ABCB9: variants seen among roughly 807,000 people sequenced by gnomAD.
The protein encoded by ABCB9 is ATP binding cassette subfamily B member 9.
In ABCB9, 36 loss-of-function variants were observed where a neutral mutation model predicts 62.0. That is an observed-to-expected ratio of 0.58 (90% CI 0.45 to 0.77). The LOEUF (loss-of-function observed/expected upper bound fraction) is 0.77. Ranked by LOEUF, ABCB9 falls within the 30% of genes least tolerant of loss-of-function variation. The pLI is 0.00. For synonymous variants in ABCB9, 435 were observed against 461.4 expected (o/e 0.94, Z 0.73); for missense variants, 943 against 1,054.7 (o/e 0.89, Z 1.47).
At chr12:122,962,993 T>C (rs946211272) in intron 1 of ABCB9, among the ~76,000 whole-genome samples, 1 of 152,090 alleles carries the variant, frequency 6.6e-6, no homozygotes, top group African/African-American at 2.4e-5. Flanking sequence ...TAACATTCAA[T>C]ATAGAAAATG....
chr12:122,934,740 G>A (rs1465135291), intron 10 of ABCB9, among the ~76,000 whole-genome samples: 1 of 150,814 alleles, frequency 6.6e-6, no homozygotes, highest in East Asian at 1.9e-4. Context: ...CCACCAAAAC[G>A]TCTTTCATTA....
chr12:122,960,178 C>G lies in ABCB9; in HGVS notation c.58G>C (p.Val20Leu), dbSNP rs376611215. 6.2e-7 allele frequency: 1 copy of G among 1,613,472 alleles called. No individual in the cohort carries two copies. Among genetic ancestry groups the G allele is most frequent in the East Asian group, 2.2e-5 (1 of 44,892 alleles). ...CTGAAGACATAGATGGCCGTGGTCA[C>G]GCAGATGTCCACACTCATGAAGGCC... is the stretch of plus-strand genomic sequence containing the variant. ...TLAFMSVDIC[V>L]TTAIYVFSHL... Residue 20 changes from valine (V) to leucine (L), a missense_variant, in exon 2 of 12, where the codon GTG (valine) becomes CTG (leucine). Val to Leu is a conservative substitution (Grantham distance 32, BLOSUM62 1). Coordinates refer to ENST00000280560, the MANE Select transcript of ABCB9 (RefSeq NM_019625.4).
chr12:122,936,696 A>C (rs1181581400), intron 9 of ABCB9, among the ~76,000 whole-genome samples: 2 of 151,822 alleles, frequency 1.3e-5, no homozygotes, highest in Admixed American at 1.3e-4. Flanking sequence ...CCTGAGGTCA[A>C]GAGTTTGAGA....
At chr12:122,934,874 T>G (rs1466628288) in intron 10 of ABCB9, among the ~76,000 whole-genome samples, 3 of 151,446 alleles carry the variant, frequency 2.0e-5, no homozygotes, top group Non-Finnish European at 2.9e-5. Flanking sequence ...CTCTTCTCAC[T>G]CAGCATCCTA....
Position 122,966,460 on chromosome 12 carries a change from G to C in ABCB9, c.-261C>G, listed in dbSNP as rs1226911992. 6.6e-6 allele frequency: 1 copy of C among 152,368 alleles called. No individual in the cohort carries two copies. The highest frequency in any genetic ancestry group is 1.5e-5 in the Non-Finnish European group (1 of 68,142). The allele number at this position is 152,368 out of a possible 1,614,324, so 9.4% of individuals were successfully genotyped here. A position where few individuals can be genotyped will look rare whatever the true frequency, so the allele number is the denominator to read the frequency against. ...TGCGCCGCTGCAAGGTCGGAGCTGA[G>C]ACTGGCGTGCGTTGAGACAGGCTGA... On this transcript the variant is annotated 5_prime_UTR_variant, in exon 1 of 12. Transcript: ENST00000280560.
At chr12:122,945,672 G>A (rs1215408039) in intron 6 of ABCB9, among the ~76,000 whole-genome samples, 1 of 152,146 alleles carries the variant, frequency 6.6e-6, no homozygotes, top group African/African-American at 2.4e-5. Context: ...GAGCTCAGGA[G>A]TTCGAGACCA....
In ABCB9 at chr12:122,966,416, C is replaced by A. The variant is rs2037178366; in HGVS notation, c.-217G>T. The stretch of plus-strand genomic sequence containing the variant: ...TCGCTCCGCTCTTCCCGCTGCTCCT[C>A]CCCGCCTCCCACCCGCGCTGCGCCG... On this transcript the variant is annotated 5_prime_UTR_variant, in exon 1 of 12. Coordinates refer to ENST00000280560, the MANE Select transcript of ABCB9 (RefSeq NM_019625.4). 6.6e-6 allele frequency: 1 copy of A among 152,568 alleles called. No homozygotes were observed. The highest frequency in any genetic ancestry group is 2.1e-4 in the South Asian group (1 of 4,838). 9.5% of individuals were successfully genotyped at this position (152,568 alleles called of 1,614,324 possible). A position where few individuals can be genotyped will look rare whatever the true frequency, so the allele number is the denominator to read the frequency against.
chr12:122,923,342 C>G (rs969148637), intron 11 of ABCB9, among the ~76,000 whole-genome samples: 2 of 152,198 alleles, frequency 1.3e-5, no homozygotes, highest in African/African-American at 4.8e-5. Context: ...GGCTGGAGTG[C>G]AGTGGCGCGA....
In ABCB9 at chr12:122,940,334, G is replaced by T; in HGVS notation, c.1570-50C>A. ...GCGGGGTTATCGGCTCAGGTCCCAG[G>T]ACTGGATGCCCTGACCTTGGACACA... On this transcript the variant is annotated intron_variant, in intron 8 of 11. Transcript: ENST00000280560. This position sits in a 1 kb window ranked among gnomAD's most constrained non-coding sequence, Gnocchi z 4.8. 6.6e-7 allele frequency: 1 copy of T among 1,514,622 alleles called. No homozygotes were observed. The highest frequency in any genetic ancestry group is 8.9e-7 in the Non-Finnish European group (1 of 1,129,508). The allele number at this position is 1,514,622 out of a possible 1,614,324, so 93.8% of individuals were successfully genotyped here.
intron 2 of ABCB9, among the ~76,000 whole-genome samples, chr12:122,958,115 A>G (rs1001119084): frequency 7.2e-6 from 1 of 139,552 alleles, no homozygotes; most frequent in Non-Finnish European, 1.5e-5. Context: ...GGTTGCGGTG[A>G]GCCAAGATCG....
chr12:122,954,556 G>A lies in ABCB9; in HGVS notation c.602-3991C>T, dbSNP rs187360678. On this transcript the variant is annotated intron_variant, in intron 2 of 11. Transcript: ENST00000280560. ...CACCCAGGCTGGAGTGCAGTGGCACGATATCAGCTCACTGCAACCTCCACC... is the reference window on the plus strand; with the variant it reads ...CACCCAGGCTGGAGTGCAGTGGCACAATATCAGCTCACTGCAACCTCCACC... 3.3e-5 allele frequency among the ~76,000 whole-genome samples: 5 copies of A among 151,998 alleles called. No homozygotes were observed. The East Asian group carries it at 5.8e-4, about 18-fold the overall frequency.
chr12:122,960,307 C>T lies in ABCB9; in HGVS notation c.-72G>A. ...ACGGGGGCAAGGCCATCATCATCCA[C>T]AGGGCGAGGCCAGGCCTGTAGGGAC... On this transcript the variant is annotated 5_prime_UTR_variant, in exon 2 of 12. The change creates a new upstream start codon in the 5' untranslated region. Transcript: ENST00000280560. 2.6e-6 allele frequency: 4 copies of T among 1,544,548 alleles called. No homozygotes were observed. Among genetic ancestry groups the T allele is most frequent in the Non-Finnish European group, 3.5e-6 (4 of 1,144,296 alleles).
chr12:122,948,091 C>T (rs983793886), intron 5 of ABCB9: 4 of 152,596 alleles, frequency 2.6e-5, no homozygotes, highest in African/African-American at 9.7e-5. Flanking sequence ...CGCCACCAAG[C>T]CCAGCTAACT....
In ABCB9 at chr12:122,944,380, TG is replaced by T. The variant is rs1265391904; in HGVS notation, c.1380+10del. ...CTTCTCTCTGGATCCCCGGACACAC[TG>T]GCCTCTCACCTCCATACAATCTCCC... On this transcript the variant is annotated intron_variant, in intron 7 of 11. Coordinates refer to ENST00000280560, the MANE Select transcript of ABCB9 (RefSeq NM_019625.4). This position sits in a 1 kb window ranked among gnomAD's most constrained non-coding sequence, Gnocchi z 4.9. 1 of 1,419,282 alleles carries T rather than the reference TG, an allele frequency of 7.0e-7. No individual in the cohort carries two copies. The highest frequency in any genetic ancestry group is 1.1e-5 in the South Asian group (1 of 88,188). 87.9% of individuals were successfully genotyped at this position (1,419,282 alleles called of 1,614,324 possible).
intron 7 of ABCB9, among the ~76,000 whole-genome samples, chr12:122,942,386 G>A (rs533218769): frequency 2.4e-4 from 36 of 152,004 alleles, no homozygotes; most frequent in African/African-American, 8.2e-4. Context: ...TCAGAAGTTC[G>A]AGATCAGCCT....
intron 7 of ABCB9, among the ~76,000 whole-genome samples, chr12:122,942,724 A>C (rs540736711): frequency 1.3e-5 from 2 of 151,982 alleles, no homozygotes; most frequent in Non-Finnish European, 2.9e-5. Flanking sequence ...AGATCACTTG[A>C]GTCCAGGAGG....
In ABCB9 at chr12:122,935,385, G is replaced by T. The variant is rs185108816; in HGVS notation, c.1790C>A (p.Thr597Lys). 4 of 1,614,096 alleles carry T rather than the reference G, an allele frequency of 2.5e-6. No homozygotes were observed. The Admixed American group carries it at 6.7e-5, about 27-fold the overall frequency. Residue 597 changes from threonine (T) to lysine (K), a missense_variant, in exon 10 of 12, where the codon ACG becomes AAG. Transcript: ENST00000280560. ...QEPVLFARSITDNISYGLPTV... is the reference protein window; with the variant it reads ...QEPVLFARSIKDNISYGLPTV... ...GGGCAGGCCGTAGGAGATGTTATCC[G>T]TGATGGAGCGGGCGAACAGCACGGG...
downstream of ABCB9, among the ~76,000 whole-genome samples, chr12:122,925,734 C>G (rs991449476): frequency 6.6e-6 from 1 of 152,060 alleles, no homozygotes. Flanking sequence ...GGCGACAGAG[C>G]GAGACTCCGT....
intron 1 of ABCB9, among the ~76,000 whole-genome samples, chr12:122,971,893 T>G (rs1343569946): frequency 1.3e-5 from 2 of 152,138 alleles, no homozygotes; most frequent in Non-Finnish European, 2.9e-5. Flanking sequence ...GTGCTGTGGC[T>G]ATACTTGCTA....
Sources: gnomAD v4.1 joint callset for allele counts (sites outside exome capture counted in the v4.1 genomes callset) on GRCh38, gnomAD v4.1.1 for gene constraint, Gnocchi (gnomAD v3.1) non-coding constraint, MANE v1.5 for transcripts, NCBI Gene and HGNC (gene_info 2026-07-23, HGNC 2026-07-21) for gene names.